RNF213: variants seen among roughly 807,000 people sequenced by gnomAD.
RNF213 encodes ring finger protein 213.
A neutral mutation model predicts 514.4 loss-of-function variants in RNF213; 341 were observed. The ratio of observed to expected loss-of-function variants is 0.66; its 90% CI spans 0.61 to 0.73. The LOEUF (loss-of-function observed/expected upper bound fraction) is 0.73. RNF213 is among the 30% of genes least tolerant of loss of function. The pLI, the probability that RNF213 is intolerant of heterozygous loss-of-function variation, is 0.00. For synonymous variants in RNF213, 2,655 were observed against 2,658.2 expected (o/e 1.00, Z 0.04); for missense variants, 5,767 against 6,615.6 (o/e 0.87, Z 4.45).
At position 80,394,249 on chromosome 17, in the gene RNF213, T is replaced by G. The variant is rs1599233064; in HGVS notation, c.*751T>G. On this transcript the variant is annotated 3_prime_UTR_variant, in exon 68 of 68. Coordinates refer to ENST00000582970, the MANE Select transcript of RNF213 (RefSeq NM_001256071.3). ...ATTCTTCTGATCTGACATTTTGAAATTGTGAGAGAAACTAGATGACTGTAA... is the reference window on the plus strand; with the variant it reads ...ATTCTTCTGATCTGACATTTTGAAAGTGTGAGAGAAACTAGATGACTGTAA... 1 of 152,258 alleles carries G rather than the reference T, an allele frequency of 6.6e-6. No homozygotes were observed. Among genetic ancestry groups the G allele is most frequent in the Admixed American group, 6.5e-5 (1 of 15,288 alleles). 9.4% of individuals were successfully genotyped at this position (152,258 alleles called of 1,614,324 possible).
At chr17:80,273,427 C>T in intron 3 of RNF213, 23 bp downstream of exon 3, 2 of 1,610,348 alleles carry the variant, frequency 1.2e-6, no homozygotes, top group South Asian at 1.1e-5. Context: ...CCTCGGCTCC[C>T]CTCCGCCCCC....
intron 17 of RNF213, among the ~76,000 whole-genome samples, chr17:80,322,545 C>T (rs183821669): frequency 1.0e-3 from 154 of 151,852 alleles, no homozygotes; most frequent in African/African-American, 3.5e-3. Context: ...CACTGCACTC[C>T]GGCCTGGGCG....
Position 80,339,531 on chromosome 17 carries a change from A to G in RNF213, c.5164A>G (p.Ser1722Gly). 6.5e-7 allele frequency: 1 copy of G among 1,537,144 alleles called. No individual in the cohort carries two copies. Among genetic ancestry groups the G allele is most frequent in the African/African-American group, 1.4e-5 (1 of 73,122 alleles). Residue 1722 changes from serine (S) to glycine (G), a missense_variant, in exon 26 of 68, where the codon AGT becomes GGT. Ser to Gly is a moderately conservative substitution (Grantham distance 56). Transcript: ENST00000582970. ...LSTELRKQPP[S>G]DAALTMLSFI... The stretch of plus-strand genomic sequence containing the variant: ...CACTGAGCTCAGGAAGCAGCCCCCG[A>G]GTGATGCCGCCCTAACGATGCTATC...
At chr17:80,375,725 T>G (rs1290320149) in intron 50 of RNF213, 35 bp from the exon 51 acceptor site, 5 of 1,445,594 alleles carry the variant, frequency 3.5e-6, no homozygotes, top group Non-Finnish European at 4.9e-6. Context: ...TGTGTTGAGC[T>G]TTTAAATTCT....
chr17:80,313,756 A>AGGTGGTGGAGGTACTGGAGGTGATGGT (rs2045675689), intron 15 of RNF213, among the ~76,000 whole-genome samples: 1 of 85,146 alleles, frequency 1.2e-5, no homozygotes, highest in African/African-American at 4.4e-5. Context: ...CTGGTGGTGG[A>AGGTGGTGGAGGTACTGGAGGTGATGGT]GGTGGTGGAG....
chr17:80,335,338 G>A (rs924272341), intron 22 of RNF213, among the ~76,000 whole-genome samples: 5 of 152,204 alleles, frequency 3.3e-5, no homozygotes, highest in African/African-American at 1.2e-4. Flanking sequence ...AGAGGCAGAG[G>A]AGGCAGGAGG....
chr17:80,341,984 A>G (rs1015650648), intron 26 of RNF213: 1 of 152,210 alleles, frequency 6.6e-6, no homozygotes, highest in Non-Finnish European at 1.5e-5. Flanking sequence ...TTTTTAGTAG[A>G]GATGGGGTTT....
At chr17:80,298,618 G>A (rs2045052496) in intron 11 of RNF213, 100 bp downstream of exon 11, 3 of 1,219,758 alleles carry the variant, frequency 2.5e-6, no homozygotes, top group Non-Finnish European at 3.6e-6. Context: ...CTCCATTCCT[G>A]ATTCTAATGA....
intron 31 of RNF213, among the ~76,000 whole-genome samples, chr17:80,351,080 G>A (rs1224001553): frequency 6.6e-6 from 1 of 152,166 alleles, no homozygotes; most frequent in East Asian, 1.9e-4. Flanking sequence ...GGACCTTTTT[G>A]AAGCATTGGA....
intron 2 of RNF213, among the ~76,000 whole-genome samples, chr17:80,266,887 A>G (rs541235763): frequency 2.1e-4 from 32 of 152,314 alleles, no homozygotes; most frequent in African/African-American, 6.5e-4. Flanking sequence ...ATAGGCTGAT[A>G]GCTAGGCCTC....
At position 80,363,159 on chromosome 17, in the gene RNF213, C is replaced by T; in HGVS notation, c.11413C>T (p.Pro3805Ser). The T allele has an allele frequency of 6.2e-7, 1 of 1,614,212 alleles. No individual in the cohort carries two copies. Residue 3805 changes from proline (P) to serine (S), a missense_variant, in exon 40 of 68, where the codon CCC (proline) becomes TCC (serine). By Grantham distance (74) the Pro-to-Ser change is moderately conservative. This residue lies in a region of RNF213 where 355 missense variants were observed against 358.0 expected (regional missense o/e 0.99). Coordinates refer to ENST00000582970, the MANE Select transcript of RNF213 (RefSeq NM_001256071.3). ...TRKLKAASEA[P>S]EEEVSLPWVH... ...GAAACTGAAAGCGGCGTCAGAAGCGCCCGAGGAAGAGGTTTCCTTACCGTG... is the reference window on the plus strand; with the variant it reads ...GAAACTGAAAGCGGCGTCAGAAGCGTCCGAGGAAGAGGTTTCCTTACCGTG...
At chr17:80,359,374 A>C (rs2078956055) in intron 37 of RNF213, among the ~76,000 whole-genome samples, 1 of 151,878 alleles carries the variant, frequency 6.6e-6, no homozygotes, top group Non-Finnish European at 1.5e-5. Flanking sequence ...AAAAATTTAA[A>C]AATTAGGCAT....
intron 56 of RNF213, 96 bp downstream of exon 56, chr17:80,381,083 A>G (rs2079980853): frequency 4.0e-6 from 5 of 1,256,392 alleles, no homozygotes; most frequent in African/African-American, 1.5e-5. Flanking sequence ...GCTGCCATCT[A>G]TGCGTTTTGG....
intron 36 of RNF213, among the ~76,000 whole-genome samples, chr17:80,355,693 C>T (rs187972315): frequency 3.1e-4 from 9 of 29,086 alleles, no homozygotes; most frequent in African/African-American, 9.3e-4. Flanking sequence ...GCGGGGTGAC[C>T]GGGAATGGGG....
intron 15 of RNF213, chr17:80,316,714 C>T (rs542973358): frequency 7.6e-6 from 2 of 263,472 alleles, no homozygotes; most frequent in Admixed American, 9.7e-5. Context: ...TGCCATGATG[C>T]CTGCAACTTA....
chr17:80,381,256 T>A, intron 56 of RNF213: 1 of 597,532 alleles, frequency 1.7e-6, no homozygotes, highest in Non-Finnish European at 3.0e-6. Flanking sequence ...GGCTGACATC[T>A]TCATTATTTT....
rs562944382 is a variant in RNF213 at position 80,355,206 on chromosome 17, G to A, written c.10862+630G>A. 3 of 456,022 alleles carry A rather than the reference G, an allele frequency of 6.6e-6. No individual in the cohort carries two copies. In the East Asian group the frequency reaches 2.1e-4, roughly 32 times the overall value. The allele number at this position is 456,022 out of a possible 1,614,324, so 28.2% of individuals were successfully genotyped here. A position where few individuals can be genotyped will look rare whatever the true frequency, so the allele number is the denominator to read the frequency against. ...CCAGTTTTCCCATCTCTAAAAGACA[G>A]CGGACTCCTCCATGAGTCCCCTTCC... On this transcript the variant is annotated intron_variant, in intron 36 of 67. Coordinates refer to ENST00000582970, the MANE Select transcript of RNF213 (RefSeq NM_001256071.3).
rs933983270 is a variant in RNF213 at position 80,289,782 on chromosome 17, A to G, written c.1057A>G (p.Lys353Glu). The G allele has an allele frequency of 2.5e-6, 4 of 1,613,564 alleles. No homozygotes were observed. Among genetic ancestry groups the G allele is most frequent in the African/African-American group, 2.7e-5 (2 of 74,896 alleles). ...EGKNRSAAAV[K>E]NEKEQKNQEA... ...GAAGAACAGAAGTGCAGCTGCTGTG[A>G]AAAACGAGAAGGAGCAAAAAAACCA... The change falls in exon 6 of 68, where the codon AAA becomes GAA. Residue 353 changes from lysine to glutamate, a missense_variant. By Grantham distance (56) the Lys-to-Glu change is moderately conservative (BLOSUM62 1). Coordinates refer to ENST00000582970, the MANE Select transcript of RNF213 (RefSeq NM_001256071.3).
chr17:80,358,252 T>C, intron 36 of RNF213, 36 bp from the exon 37 acceptor site: 1 of 1,603,486 alleles, frequency 6.2e-7, no homozygotes, highest in Non-Finnish European at 8.5e-7. Flanking sequence ...CTGGTTCCTC[T>C]GACCCGTGGT....
Sources: gnomAD v4.1 joint callset for allele counts (sites outside exome capture counted in the v4.1 genomes callset) on GRCh38, gnomAD v4.1.1 for gene constraint, gnomAD v4.1.1 regional missense constraint, MANE v1.5 for transcripts, NCBI Gene and HGNC (gene_info 2026-07-23, HGNC 2026-07-21) for gene names.